The following COL22A1 variants were observed in gnomAD, a reference collection of about 807,000 sequenced individuals.
COL22A1 encodes the protein collagen type XXII alpha 1 chain, also known as collagen alpha-1(XXII) chain.
In COL22A1, 221 loss-of-function variants were observed where a neutral mutation model predicts 248.9. That is an observed-to-expected ratio of 0.89 (90% CI 0.80 to 0.99). The LOEUF (loss-of-function observed/expected upper bound fraction) is 0.99, where lower values mean the gene tolerates loss of function less well. Among genes scored for constraint, COL22A1 ranks in the 50% least tolerant of loss-of-function variants. COL22A1 has a pLI of 0.00. For missense variants in COL22A1, 2,240 were observed against 2,179.0 expected (o/e 1.03, Z -0.56); for synonymous variants, 891 against 793.4 (o/e 1.12, Z -2.07).
At chr8:138,773,362 G>A (rs1431163910) in intron 16 of COL22A1, among the ~76,000 whole-genome samples, 1 of 152,214 alleles carries the variant, frequency 6.6e-6, no homozygotes, top group East Asian at 1.9e-4. Flanking sequence ...GGCACTAGGA[G>A]TCTTCGGCCT....
chr8:138,652,735 G>GTTTTTTT (rs71316352), intron 45 of COL22A1, among the ~76,000 whole-genome samples: 8,777 of 54,048 alleles, frequency 0.16, 3,166 homozygotes, highest in Middle Eastern at 0.27. Context: ...TCCTTTTCTG[G>GTTTTTTT]TTTTTTTTTT....
intron 60 of COL22A1, among the ~76,000 whole-genome samples, chr8:138,599,701 C>A (rs576616487): frequency 2.0e-5 from 3 of 151,828 alleles, no homozygotes; most frequent in Non-Finnish European, 4.4e-5. Context: ...CTCTAGCCTG[C>A]GTGACAGAGT....
intron 50 of COL22A1, among the ~76,000 whole-genome samples, chr8:138,630,202 C>G (rs1452872304): frequency 2.0e-5 from 3 of 152,190 alleles, no homozygotes; most frequent in African/African-American, 7.2e-5. Flanking sequence ...CAAATGCCAA[C>G]TCCACTGGTT....
chr8:138,681,352 G>T (rs1451059935), intron 39 of COL22A1, among the ~76,000 whole-genome samples: 1 of 151,812 alleles, frequency 6.6e-6, no homozygotes, highest in Non-Finnish European at 1.5e-5. Context: ...GTGGATCTTT[G>T]GGATCCATTG....
intron 1 of COL22A1, among the ~76,000 whole-genome samples, chr8:138,890,050 T>C (rs1465109702): frequency 6.6e-6 from 1 of 152,124 alleles, no homozygotes; most frequent in East Asian, 1.9e-4. Context: ...CAAGTGAGGT[T>C]TATCTCAGGA....
chr8:138,623,619 T>C (rs1397373634), intron 52 of COL22A1, 113 bp downstream of exon 52: 3 of 868,064 alleles, frequency 3.5e-6, no homozygotes, highest in African/African-American at 3.4e-5. Context: ...AAATAATGCA[T>C]AGAAAATGCC....
intron 30 of COL22A1, among the ~76,000 whole-genome samples, chr8:138,710,508 G>C (rs948692015): frequency 1.3e-5 from 2 of 151,962 alleles, no homozygotes; most frequent in African/African-American, 4.8e-5. Flanking sequence ...TATTTCTATT[G>C]TTATTTAGCA....
At chr8:138,759,960 A>T (rs1262611166) in intron 18 of COL22A1, among the ~76,000 whole-genome samples, 1 of 151,780 alleles carries the variant, frequency 6.6e-6, no homozygotes, top group Non-Finnish European at 1.5e-5. Flanking sequence ...AATACATCTA[A>T]ATATTATATA....
chr8:138,863,056 A>T (rs1166997828), intron 3 of COL22A1, among the ~76,000 whole-genome samples: 1 of 152,246 alleles, frequency 6.6e-6, no homozygotes, highest in Non-Finnish European at 1.5e-5. Context: ...CCAAGTGTTT[A>T]ACCAGGATAT....
At chr8:138,778,132 G>T in intron 15 of COL22A1, 1 of 615,474 alleles carries the variant, frequency 1.6e-6, no homozygotes. Context: ...GTGAGAAAGG[G>T]GTCCCAGGAA....
At chr8:138,766,751 G>A (rs949159044) in intron 16 of COL22A1, among the ~76,000 whole-genome samples, 6 of 152,274 alleles carry the variant, frequency 3.9e-5, no homozygotes, top group Admixed American at 6.5e-5. Flanking sequence ...TTCAGAGTGC[G>A]GTCTCAAGCT....
chr8:138,767,171 G>A (rs1384256637), intron 16 of COL22A1, among the ~76,000 whole-genome samples: 2 of 152,218 alleles, frequency 1.3e-5, no homozygotes, highest in African/African-American at 2.4e-5. Flanking sequence ...GCTAATCTAC[G>A]TGAGATGCTG....
chr8:138,820,629 T>C (rs1164058948), intron 7 of COL22A1, among the ~76,000 whole-genome samples: 1 of 152,194 alleles, frequency 6.6e-6, no homozygotes, highest in Non-Finnish European at 1.5e-5. Context: ...TTTTCCAATT[T>C]TTTTTACAAT....
At chr8:138,769,251 C>T (rs1269902737) in intron 16 of COL22A1, among the ~76,000 whole-genome samples, 4 of 152,174 alleles carry the variant, frequency 2.6e-5, no homozygotes, top group African/African-American at 7.2e-5. Context: ...TACTGACTGA[C>T]GTGAACTCAA....
intron 7 of COL22A1, among the ~76,000 whole-genome samples, chr8:138,814,713 T>G (rs1818532657): frequency 6.6e-6 from 1 of 152,130 alleles, no homozygotes; most frequent in South Asian, 2.1e-4. Context: ...AGTGAACCAC[T>G]CAGCTAAGCC....
At chr8:138,889,799 G>C (rs955279838) in intron 1 of COL22A1, among the ~76,000 whole-genome samples, 1 of 152,274 alleles carries the variant, frequency 6.6e-6, no homozygotes, top group African/African-American at 2.4e-5. Context: ...ATCATCCATC[G>C]TTGTTCAGTA....
intron 16 of COL22A1, 54 bp from the exon 17 acceptor site, chr8:138,762,520 G>A: frequency 6.4e-7 from 1 of 1,554,294 alleles, no homozygotes; most frequent in Non-Finnish European, 8.9e-7. Context: ...ACAGGCAGCA[G>A]CCCAGCACAC....
chr8:138,738,783 G>T (rs1009011871), intron 22 of COL22A1, among the ~76,000 whole-genome samples: 1 of 152,204 alleles, frequency 6.6e-6, no homozygotes, highest in African/African-American at 2.4e-5. Flanking sequence ...AACTCTAAGT[G>T]TATCTGTGAG....
rs1180120335 is a variant in COL22A1 at position 138,652,990 on chromosome 8, A to C, written c.3333+2907T>G. On this transcript the variant is annotated intron_variant, in intron 45 of 64. Transcript: ENST00000303045. ...TTGCACTCCTGGCCTCAAGTGATCC[A>C]CCTGCTTCGGCCTCCCTAAGTGCTG... 2.6e-5 allele frequency among the ~76,000 whole-genome samples: 4 copies of C among 151,020 alleles called. No individual in the cohort carries two copies. The East Asian group carries it at 7.8e-4, about 29-fold the overall frequency.
Sources: allele counts gnomAD v4.1 joint callset (sites outside exome capture counted in the v4.1 genomes callset), GRCh38; gene constraint gnomAD v4.1.1; transcripts MANE v1.5; gene names NCBI Gene and HGNC (gene_info 2026-07-23, HGNC 2026-07-21).